The following TRPS1 variants were observed in gnomAD, a reference collection of about 807,000 sequenced individuals.
TRPS1 encodes the protein zinc finger transcription factor Trps1.
TRPS1 carries 6 observed loss-of-function variants against 101.2 expected under a neutral mutation model. The ratio of observed to expected loss-of-function variants is 0.06; its 90% CI spans 0.03 to 0.12. The LOEUF (loss-of-function observed/expected upper bound fraction) is 0.12, where lower values mean the gene tolerates loss of function less well. TRPS1 is among the 10% of genes least tolerant of loss of function. The pLI, the probability that TRPS1 is intolerant of heterozygous loss-of-function variation, is 1.00. For synonymous variants in TRPS1, 578 were observed against 589.8 expected (o/e 0.98, Z 0.29); for missense variants, 1,363 against 1,567.0 (o/e 0.87, Z 2.20).
intron 4 of TRPS1, among the ~76,000 whole-genome samples, chr8:115,591,318 G>A (rs1352973284): frequency 6.6e-6 from 1 of 152,056 alleles, no homozygotes; most frequent in Non-Finnish European, 1.5e-5. Context: ...TTACTTCAAT[G>A]TCTACTGATT....
At chr8:115,477,110 T>C (rs928718103) in intron 5 of TRPS1, among the ~76,000 whole-genome samples, 3 of 152,130 alleles carry the variant, frequency 2.0e-5, no homozygotes, top group Non-Finnish European at 4.4e-5. Context: ...TAAAAAAATT[T>C]GAAACATTTG....
At chr8:115,429,102 A>C (rs1813257525) in intron 5 of TRPS1, among the ~76,000 whole-genome samples, 1 of 152,212 alleles carries the variant, frequency 6.6e-6, no homozygotes, top group Admixed American at 6.5e-5. Flanking sequence ...GTAATTTTGT[A>C]ATAACTGAAA....
chr8:115,630,455 C>G (rs150735831), intron 1 of TRPS1, among the ~76,000 whole-genome samples: 25 of 151,836 alleles, frequency 1.6e-4, no homozygotes, highest in African/African-American at 5.8e-4. Flanking sequence ...GTTGTGGACC[C>G]CTATCATAAC....
At chr8:115,603,437 C>A (rs930047974) in intron 4 of TRPS1, among the ~76,000 whole-genome samples, 2 of 152,096 alleles carry the variant, frequency 1.3e-5, no homozygotes, top group Non-Finnish European at 2.9e-5. Context: ...AAATGAGCAA[C>A]AGGTTCTCAA....
chr8:115,499,915 A>ATTTCTTTCTTTC lies in TRPS1; in HGVS notation c.2701-81475_2701-81464dup, dbSNP rs373053040. Among the ~76,000 whole-genome samples the ATTTCTTTCTTTC allele has an allele frequency of 6.4e-3, 862 of 134,818 alleles. 4 individuals are homozygous for ATTTCTTTCTTTC. The highest frequency in any genetic ancestry group is 8.0e-3 in the Non-Finnish European group (514 of 64,240). The allele number at this position is 134,818 out of a possible 152,430, so 88.4% of individuals were successfully genotyped here. The stretch of plus-strand genomic sequence containing the variant: ...ATGATGACATCTGGAAAAGTGCTAA[A>ATTTCTTTCTTTC]TTTCTTTCTTTCTTTCTTTCTTTCT... On this transcript the variant is annotated intron_variant, in intron 5 of 6. Transcript: ENST00000395715.
At chr8:115,429,305 ACG>A (rs1158814087) in intron 5 of TRPS1, among the ~76,000 whole-genome samples, 1 of 152,188 alleles carries the variant, frequency 6.6e-6, no homozygotes, top group Non-Finnish European at 1.5e-5. Context: ...TTGCTTTTGC[ACG>A]TCCATTAGTG....
intron 5 of TRPS1, among the ~76,000 whole-genome samples, chr8:115,568,178 A>C (rs1817114220): frequency 1.3e-5 from 2 of 152,090 alleles, no homozygotes; most frequent in Non-Finnish European, 2.9e-5. Flanking sequence ...TCCCCCAGCA[A>C]AAACCAAATG....
At chr8:115,470,261 C>T (rs1237182100) in intron 5 of TRPS1, among the ~76,000 whole-genome samples, 1 of 152,130 alleles carries the variant, frequency 6.6e-6, no homozygotes, top group Admixed American at 6.5e-5. Context: ...TTGACTAAGA[C>T]ATTGAAATAA....
Position 115,503,737 on chromosome 8 carries a change from T to C in TRPS1, c.2700+83264A>G, listed in dbSNP as rs187465023. On this transcript the variant is annotated intron_variant, in intron 5 of 6. Transcript: ENST00000395715. ...ATGTATTAACAAAGATGCAAACCAG[T>C]ATGCAATACACATTTTGTCATCATC... Among the ~76,000 whole-genome samples, 14 of 152,340 alleles carry C rather than the reference T, an allele frequency of 9.2e-5. No homozygotes were observed. The East Asian group carries it at 2.5e-3, about 27-fold the overall frequency.
intron 5 of TRPS1, among the ~76,000 whole-genome samples, chr8:115,566,591 T>C (rs2130383371): frequency 6.6e-6 from 1 of 151,970 alleles, no homozygotes; most frequent in East Asian, 1.9e-4. Flanking sequence ...AAAATGGCAA[T>C]ATTCCAGAAA....
At chr8:115,579,327 C>A (rs548474936) in intron 5 of TRPS1, among the ~76,000 whole-genome samples, 107 of 152,192 alleles carry the variant, frequency 7.0e-4, no homozygotes, top group African/African-American at 2.4e-3. Context: ...TTAACACCTA[C>A]AAACAGGTAT....
chr8:115,501,148 T>G (rs1014881765), intron 5 of TRPS1, among the ~76,000 whole-genome samples: 1 of 152,214 alleles, frequency 6.6e-6, no homozygotes, highest in East Asian at 1.9e-4. Flanking sequence ...TCAGAAATAA[T>G]ACTAGAATCT....
At chr8:115,447,271 A>G (rs985088397) in intron 5 of TRPS1, among the ~76,000 whole-genome samples, 2 of 152,194 alleles carry the variant, frequency 1.3e-5, no homozygotes, top group Non-Finnish European at 2.9e-5. Context: ...GATTGAAACA[A>G]GAGACAAAGC....
intron 5 of TRPS1, chr8:115,492,065 A>G (rs1299858759): frequency 2.4e-6 from 1 of 412,846 alleles, no homozygotes; most frequent in Non-Finnish European, 4.8e-6. Context: ...TTGGCTTCTA[A>G]TACATGTTTA....
At chr8:115,570,685 A>T (rs1433039521) in intron 5 of TRPS1, among the ~76,000 whole-genome samples, 5 of 36,020 alleles carry the variant, frequency 1.4e-4, no homozygotes, top group Non-Finnish European at 9.9e-5. Context: ...AAACACACAC[A>T]CACTCACACA....
chr8:115,593,596 G>A (rs1817726532), intron 4 of TRPS1, among the ~76,000 whole-genome samples: 1 of 152,082 alleles, frequency 6.6e-6, no homozygotes, highest in Admixed American at 6.5e-5. Context: ...AATAAGACTA[G>A]ATTATAATAA....
chr8:115,461,049 T>C (rs1192114316), intron 5 of TRPS1, among the ~76,000 whole-genome samples: 2 of 152,160 alleles, frequency 1.3e-5, no homozygotes, highest in Non-Finnish European at 2.9e-5. Flanking sequence ...CTCACAAACA[T>C]GACAGTGATA....
chr8:115,442,437 G>C lies in TRPS1; in HGVS notation c.2701-23985C>G, dbSNP rs1457147587. 2.0e-5 allele frequency among the ~76,000 whole-genome samples: 3 copies of C among 146,428 alleles called. No homozygotes were observed. In the South Asian group the frequency reaches 7.1e-4, roughly 34 times the overall value. ...CTACTTTGGAAAATTCTCTAATTCT[G>C]TCTATGGCAATAAATAGGGGGCTGC... On this transcript the variant is annotated intron_variant, in intron 5 of 6. Coordinates refer to ENST00000395715, the MANE Select transcript of TRPS1 (RefSeq NM_014112.5).
At chr8:115,456,431 A>G (rs2129951030) in intron 5 of TRPS1, among the ~76,000 whole-genome samples, 1 of 152,288 alleles carries the variant, frequency 6.6e-6, no homozygotes, top group East Asian at 1.9e-4. Context: ...TGAATTGTAC[A>G]CTAAAAAATT....
Sources: allele counts gnomAD v4.1 joint callset (sites outside exome capture counted in the v4.1 genomes callset), GRCh38; gene constraint gnomAD v4.1.1; transcripts MANE v1.5; gene names NCBI Gene and HGNC (gene_info 2026-07-23, HGNC 2026-07-21).